Variants in BAZ2B observed in about 807,000 individuals in gnomAD.
BAZ2B encodes the protein bromodomain adjacent to zinc finger domain 2B.
A neutral mutation model predicts 246.0 loss-of-function variants in BAZ2B; 91 were observed. The ratio of observed to expected loss-of-function variants is 0.37; its 90% CI spans 0.31 to 0.44. BAZ2B has a LOEUF of 0.44. Ranked by LOEUF, BAZ2B falls within the 20% of genes least tolerant of loss-of-function variation. The pLI is 1.00. For synonymous variants in BAZ2B, 855 were observed against 860.0 expected, an observed-to-expected ratio of 0.99 and a Z score of 0.10; for missense variants, 2,332 against 2,533.7, an observed-to-expected ratio of 0.92 and a Z score of 1.71.
At chr2:159,334,698 G>A (rs2065330746) in intron 33 of BAZ2B, among the ~76,000 whole-genome samples, 1 of 152,168 alleles carries the variant, frequency 6.6e-6, no homozygotes, top group African/African-American at 2.4e-5. Context: ...TGAAGAACAA[G>A]AGAAAGGTTA....
the BAZ2B span, among the ~76,000 whole-genome samples, chr2:159,624,119 C>T: frequency 6.6e-6 from 1 of 152,196 alleles, no homozygotes. Context: ...CTCAGCAAGG[C>T]CTCTGTGGCC....
chr2:159,650,409 G>C, the BAZ2B span, among the ~76,000 whole-genome samples: 1 of 152,078 alleles, frequency 6.6e-6, no homozygotes, highest in Non-Finnish European at 1.5e-5. Context: ...GACCATTTAA[G>C]TTTAGGGCTA....
At chr2:159,623,026 GAAGA>G in the BAZ2B span, among the ~76,000 whole-genome samples, 15 of 106,858 alleles carry the variant, frequency 1.4e-4, no homozygotes, top group East Asian at 4.1e-3. Flanking sequence ...GGAAAGAAAA[GAAGA>G]AAGAAAGAGG....
At chr2:159,389,126 CA>C (rs754827855) in intron 21 of BAZ2B, among the ~76,000 whole-genome samples, 22 of 145,304 alleles carry the variant, frequency 1.5e-4, no homozygotes, top group South Asian at 4.3e-4. Context: ...ACCAACCAAC[CA>C]AACAAACAAA....
chr2:159,325,936 AG>A lies in BAZ2B; in HGVS notation c.5944-19del, dbSNP rs751468658. 22 of 1,556,266 alleles carry A rather than the reference AG, an allele frequency of 1.4e-5. No homozygotes were observed. Among genetic ancestry groups the A allele is most frequent in the Non-Finnish European group, 1.9e-5 (22 of 1,154,940 alleles). The stretch of plus-strand genomic sequence containing the variant: ...CCACTTGCCTTTAATTTAAAAAAAA[AG>A]TAAATGAGGTGTAAGAAAGTGACTG... On this transcript the variant is annotated intron_variant, in intron 34 of 36. Transcript: ENST00000392783.
At position 159,462,071 on chromosome 2, in the gene BAZ2B, A is replaced by T. The variant is rs578013476; in HGVS notation, c.146-8270T>A. 6.4e-5 allele frequency: 16 copies of T among 250,264 alleles called. No homozygotes were observed. In the South Asian group the frequency reaches 8.1e-4, roughly 13 times the overall value. 15.5% of individuals were successfully genotyped at this position (250,264 alleles called of 1,614,324 possible). On this transcript the variant is annotated intron_variant, in intron 3 of 36. Coordinates refer to ENST00000392783, the MANE Select transcript of BAZ2B (RefSeq NM_013450.4). ...AATGACCATATACCTTGTCTAAATC[A>T]GTAGCAGCGCTTCATGGCTAGGAAA...
chr2:159,394,625 T>A (rs1405849177), intron 20 of BAZ2B, among the ~76,000 whole-genome samples: 5 of 152,208 alleles, frequency 3.3e-5, no homozygotes, highest in Non-Finnish European at 7.3e-5. Context: ...TGTCAGTAGT[T>A]CGCAACCTGG....
chr2:159,662,808 C>T, the BAZ2B span, among the ~76,000 whole-genome samples: 4 of 151,806 alleles, frequency 2.6e-5, no homozygotes, highest in South Asian at 2.1e-4. Context: ...CTGGGATTAC[C>T]GGAGTGAGCC....
At chr2:159,440,401 T>C (rs2073153355) in intron 6 of BAZ2B, among the ~76,000 whole-genome samples, 1 of 152,160 alleles carries the variant, frequency 6.6e-6, no homozygotes. Context: ...GAAGCCACGG[T>C]TACAGATTGC....
chr2:159,587,598 A>G (rs1212572095), intron 1 of BAZ2B, among the ~76,000 whole-genome samples: 5 of 152,228 alleles, frequency 3.3e-5, no homozygotes, highest in Non-Finnish European at 7.3e-5. Flanking sequence ...TGTTGTAAAT[A>G]TGTAACTCTT....
chr2:159,394,006 T>A (rs942365581), intron 20 of BAZ2B, among the ~76,000 whole-genome samples: 1 of 152,166 alleles, frequency 6.6e-6, no homozygotes, highest in Non-Finnish European at 1.5e-5. Context: ...ACTATTTTAC[T>A]GGATCTTCTC....
At chr2:159,588,214 C>CAAAAAA in intron 1 of BAZ2B, among the ~76,000 whole-genome samples, 1 of 109,182 alleles carries the variant, frequency 9.2e-6, no homozygotes. Context: ...GACCCTGCAT[C>CAAAAAA]AAAAAAAAAA....
At chr2:159,561,774 T>C (rs1193649238) in intron 1 of BAZ2B, among the ~76,000 whole-genome samples, 1 of 152,266 alleles carries the variant, frequency 6.6e-6, no homozygotes, top group East Asian at 1.9e-4. Context: ...ACCTCAATTC[T>C]ATTTGGTAGG....
chr2:159,490,083 AT>A (rs1370744878), intron 2 of BAZ2B, among the ~76,000 whole-genome samples: 1 of 152,122 alleles, frequency 6.6e-6, no homozygotes. Context: ...TATAATGTTA[AT>A]TTTTTCCTAC....
At chr2:159,499,042 G>T (rs143826694) in intron 2 of BAZ2B, among the ~76,000 whole-genome samples, 1 of 151,888 alleles carries the variant, frequency 6.6e-6, no homozygotes, top group East Asian at 1.9e-4. Context: ...AAGTTCAGGG[G>T]TACAGGTACA....
At chr2:159,358,145 C>T (rs534202623) in intron 27 of BAZ2B, among the ~76,000 whole-genome samples, 22 of 152,170 alleles carry the variant, frequency 1.4e-4, no homozygotes, top group African/African-American at 3.9e-4. Context: ...GGCTAAATGC[C>T]CCAATTAAAA....
At chr2:159,546,538 C>A (rs1277970768) in intron 2 of BAZ2B, among the ~76,000 whole-genome samples, 4 of 149,410 alleles carry the variant, frequency 2.7e-5, no homozygotes, top group Non-Finnish European at 4.4e-5. Flanking sequence ...CAAATGACTG[C>A]AAAACTTTTA....
intron 27 of BAZ2B, among the ~76,000 whole-genome samples, 181 bp from the exon 28 acceptor site, chr2:159,350,538 T>TAC (rs781142762): frequency 2.1e-5 from 3 of 144,504 alleles, no homozygotes; most frequent in Non-Finnish European, 3.0e-5. Flanking sequence ...AAAATTAACA[T>TAC]ATATATATAT....
At chr2:159,485,890 C>G (rs1047604067) in intron 2 of BAZ2B, among the ~76,000 whole-genome samples, 1 of 151,978 alleles carries the variant, frequency 6.6e-6, no homozygotes, top group Non-Finnish European at 1.5e-5. Context: ...ACTTCTATCT[C>G]AAAAGACCTG....
Sources: allele counts gnomAD v4.1 joint callset (sites outside exome capture counted in the v4.1 genomes callset), GRCh38; gene constraint gnomAD v4.1.1; transcripts MANE v1.5; gene names NCBI Gene and HGNC (gene_info 2026-07-23, HGNC 2026-07-21).